Variants in LINGO2 observed in about 807,000 individuals in gnomAD.
The protein encoded by LINGO2 is leucine-rich repeat and immunoglobulin-like domain-containing nogo receptor-interacting protein 2.
In LINGO2, 14 loss-of-function variants were observed where a neutral mutation model predicts 30.6. That is an observed-to-expected ratio of 0.46 (90% CI 0.30 to 0.72). The LOEUF (loss-of-function observed/expected upper bound fraction) is 0.72, where lower values mean the gene tolerates loss of function less well. Ranked by LOEUF, LINGO2 falls within the 30% of genes least tolerant of loss-of-function variation. LINGO2 has a pLI of 0.07. For missense variants in LINGO2, 729 were observed against 751.7 expected (o/e 0.97, Z 0.35); for synonymous variants, 317 against 288.5 (o/e 1.10, Z -1.00).
At chr9:28,779,788 TTAAC>T in the LINGO2 span, among the ~76,000 whole-genome samples, 1 of 152,138 alleles carries the variant, frequency 6.6e-6, no homozygotes, top group Non-Finnish European at 1.5e-5. Flanking sequence ...ACATTTAAAT[TTAAC>T]TAGAACCTGA....
In LINGO2 at chr9:28,430,772, G is replaced by A. The variant is rs956614550; in HGVS notation, c.-279+45168C>T. On this transcript the variant is annotated intron_variant, in intron 2 of 5. Transcript: ENST00000379992. ...CTTTTTTACAGTTTCTATATGCCAGGAGCTCAGGGCTGGCTCAGCTGATGG... is the reference window on the plus strand; with the variant it reads ...CTTTTTTACAGTTTCTATATGCCAGAAGCTCAGGGCTGGCTCAGCTGATGG... Among the ~76,000 whole-genome samples the A allele has an allele frequency of 5.9e-5, 9 of 151,886 alleles. No homozygotes were observed. In the South Asian group the frequency reaches 1.9e-3, roughly 32 times the overall value.
chr9:28,704,705 A>AC, the LINGO2 span, among the ~76,000 whole-genome samples: 5 of 151,730 alleles, frequency 3.3e-5, no homozygotes, highest in African/African-American at 1.2e-4. Flanking sequence ...AATCAAATGC[A>AC]TTTTCATGTC....
the LINGO2 span, among the ~76,000 whole-genome samples, chr9:29,208,646 A>G: frequency 6.6e-6 from 1 of 152,124 alleles, no homozygotes; most frequent in Non-Finnish European, 1.5e-5. Context: ...TTGGCACCTG[A>G]AAGTTCTGTT....
chr9:28,768,489 T>C, the LINGO2 span, among the ~76,000 whole-genome samples: 1 of 151,926 alleles, frequency 6.6e-6, no homozygotes, highest in Non-Finnish European at 1.5e-5. Context: ...GATGAATTAT[T>C]CCCCCCAAAA....
the LINGO2 span, among the ~76,000 whole-genome samples, chr9:28,710,902 A>G: frequency 1.6e-4 from 25 of 152,280 alleles, no homozygotes; most frequent in African/African-American, 5.8e-4. Context: ...TATGTAATTG[A>G]CATGTAACAA....
At chr9:29,106,673 A>G in the LINGO2 span, among the ~76,000 whole-genome samples, 1 of 152,140 alleles carries the variant, frequency 6.6e-6, no homozygotes, top group Non-Finnish European at 1.5e-5. Flanking sequence ...TCTAAGCAAA[A>G]TAACATTCAT....
At chr9:28,166,820 T>C (rs1828440382) in intron 4 of LINGO2, among the ~76,000 whole-genome samples, 2 of 152,132 alleles carry the variant, frequency 1.3e-5, no homozygotes, top group South Asian at 4.1e-4. Flanking sequence ...AGAGTGAATT[T>C]ATGGATTCTA....
At chr9:28,767,934 T>C in the LINGO2 span, among the ~76,000 whole-genome samples, 1 of 152,192 alleles carries the variant, frequency 6.6e-6, no homozygotes, top group Admixed American at 6.5e-5. Flanking sequence ...GATGGTGTCG[T>C]GTTTTTCCAT....
At chr9:29,006,542 A>G in the LINGO2 span, among the ~76,000 whole-genome samples, 2 of 152,050 alleles carry the variant, frequency 1.3e-5, no homozygotes, top group Non-Finnish European at 2.9e-5. Flanking sequence ...AAAAATCATT[A>G]ATAAAAGGGG....
At chr9:28,586,271 C>G (rs2135680367) in intron 1 of LINGO2, among the ~76,000 whole-genome samples, 1 of 152,138 alleles carries the variant, frequency 6.6e-6, no homozygotes, top group Non-Finnish European at 1.5e-5. Flanking sequence ...ACCTTATCCA[C>G]ACATTCTTCT....
chr9:28,091,539 C>G (rs1053494646), intron 4 of LINGO2, among the ~76,000 whole-genome samples: 2 of 152,122 alleles, frequency 1.3e-5, no homozygotes, highest in Non-Finnish European at 2.9e-5. Flanking sequence ...ATACCTTATA[C>G]AAAAATTAAT....
At chr9:29,059,914 A>C in the LINGO2 span, among the ~76,000 whole-genome samples, 1 of 152,084 alleles carries the variant, frequency 6.6e-6, no homozygotes, top group Non-Finnish European at 1.5e-5. Context: ...AGTAAATAAA[A>C]AGATGTGCCA....
At chr9:28,371,657 T>A (rs1240565474) in intron 3 of LINGO2, among the ~76,000 whole-genome samples, 1 of 152,176 alleles carries the variant, frequency 6.6e-6, no homozygotes, top group Non-Finnish European at 1.5e-5. Context: ...GCTGTACCTT[T>A]ATCCAAGGGT....
chr9:28,221,614 A>C (rs7875850), intron 4 of LINGO2, among the ~76,000 whole-genome samples: 129,885 of 152,096 alleles, frequency 0.85, 55,736 homozygotes, highest in Non-Finnish European at 0.9. Flanking sequence ...ATTACTTGTC[A>C]AATTTAAAAT....
At chr9:28,905,876 T>C in the LINGO2 span, among the ~76,000 whole-genome samples, 3 of 152,084 alleles carry the variant, frequency 2.0e-5, no homozygotes, top group Non-Finnish European at 1.5e-5. Flanking sequence ...AGTGCAGCAC[T>C]ACTCACAAGA....
At chr9:28,178,425 C>G (rs1482928381) in intron 4 of LINGO2, among the ~76,000 whole-genome samples, 1 of 151,898 alleles carries the variant, frequency 6.6e-6, no homozygotes, top group Non-Finnish European at 1.5e-5. Context: ...GATGCTTCTG[C>G]AGAAACTTTC....
chr9:29,111,820 G>GAT, the LINGO2 span, among the ~76,000 whole-genome samples: 1,034 of 54,656 alleles, frequency 0.019, 15 homozygotes, highest in African/African-American at 0.066. Flanking sequence ...CAGATTTAAA[G>GAT]ATATATATAT....
At chr9:28,468,230 C>G (rs943300128) in intron 2 of LINGO2, among the ~76,000 whole-genome samples, 1 of 152,146 alleles carries the variant, frequency 6.6e-6, no homozygotes. Flanking sequence ...CATTCTTTAT[C>G]CTATGTTGTG....
At chr9:27,982,422 C>T (rs895775887) in intron 5 of LINGO2, among the ~76,000 whole-genome samples, 2 of 151,846 alleles carry the variant, frequency 1.3e-5, no homozygotes, top group African/African-American at 2.4e-5. Context: ...CATATAAACA[C>T]ATACACATGC....
Sources: allele counts gnomAD v4.1 joint callset (sites outside exome capture counted in the v4.1 genomes callset), GRCh38; gene constraint gnomAD v4.1.1; transcripts MANE v1.5; gene names NCBI Gene and HGNC (gene_info 2026-07-23, HGNC 2026-07-21).